The following KIDINS220 variants were observed in gnomAD, a reference collection of about 807,000 sequenced individuals.
KIDINS220 encodes the protein kinase D-interacting substrate of 220 kDa.
A neutral mutation model predicts 157.6 loss-of-function variants in KIDINS220; 63 were observed. That is an observed-to-expected ratio of 0.40 (90% CI 0.33 to 0.49). KIDINS220 has a LOEUF of 0.49. Ranked by LOEUF, KIDINS220 falls within the 20% of genes least tolerant of loss-of-function variation. The pLI, the probability that KIDINS220 is intolerant of heterozygous loss-of-function variation, is 0.66. For synonymous variants in KIDINS220, 732 were observed against 783.6 expected (o/e 0.93, Z 1.10); for missense variants, 1,772 against 2,171.2 (o/e 0.82, Z 3.65).
chr2:8,818,386 C>A (rs1008268415), intron 3 of KIDINS220, among the ~76,000 whole-genome samples: 1 of 151,986 alleles, frequency 6.6e-6, no homozygotes, highest in Non-Finnish European at 1.5e-5. Context: ...TAATAAGTTA[C>A]CATTATGGGG....
At chr2:8,733,056 G>C (rs911925166) in intron 29 of KIDINS220, among the ~76,000 whole-genome samples, 1 of 152,186 alleles carries the variant, frequency 6.6e-6, no homozygotes, top group Admixed American at 6.5e-5. Context: ...GGTGCTCAAA[G>C]GGACACTATG....
intron 26 of KIDINS220, among the ~76,000 whole-genome samples, chr2:8,738,200 G>C (rs948853211): frequency 6.6e-6 from 1 of 152,150 alleles, no homozygotes; most frequent in Non-Finnish European, 1.5e-5. Flanking sequence ...TGAAAAAAGT[G>C]AATTAATTAG....
chr2:8,766,350 C>T (rs1331026583), intron 22 of KIDINS220, among the ~76,000 whole-genome samples: 1 of 152,158 alleles, frequency 6.6e-6, no homozygotes, highest in Non-Finnish European at 1.5e-5. Flanking sequence ...CTCCTTCAAC[C>T]CTTCCTCAAC....
At chr2:8,761,953 C>G (rs953090620) in intron 22 of KIDINS220, among the ~76,000 whole-genome samples, 4 of 152,082 alleles carry the variant, frequency 2.6e-5, no homozygotes, top group African/African-American at 9.7e-5. Flanking sequence ...CTGGAAAAAT[C>G]AACTTCTGGA....
Position 8,730,566 on chromosome 2 carries a change from T to C in KIDINS220, c.*154A>G, listed in dbSNP as rs1289210630. On this transcript the variant is annotated 3_prime_UTR_variant, in exon 30 of 30. Transcript: ENST00000256707. ...GAGCCATGCTTCTCATGCTCCCTTC[T>C]GTCACACTGCAGATGTCTCTTTTAC... The C allele has an allele frequency of 9.8e-6, 14 of 1,435,770 alleles. No homozygotes were observed. The Admixed American group carries it at 1.7e-4, about 18-fold the overall frequency. 88.9% of individuals were successfully genotyped at this position (1,435,770 alleles called of 1,614,324 possible).
intron 2 of KIDINS220, among the ~76,000 whole-genome samples, chr2:8,820,882 T>C (rs988271286): frequency 2.0e-5 from 3 of 152,216 alleles, no homozygotes; most frequent in Non-Finnish European, 2.9e-5. Flanking sequence ...ATACATTCTA[T>C]AGAACTGTTC....
At chr2:8,745,772 C>G (rs1245633005) in intron 26 of KIDINS220, among the ~76,000 whole-genome samples, 1 of 152,152 alleles carries the variant, frequency 6.6e-6, no homozygotes, top group Non-Finnish European at 1.5e-5. Context: ...GCACTCCAGC[C>G]TGAGCAAAAG....
intron 4 of KIDINS220, among the ~76,000 whole-genome samples, chr2:8,816,679 C>A (rs1022570344): frequency 6.6e-6 from 1 of 152,216 alleles, no homozygotes; most frequent in Non-Finnish European, 1.5e-5. Flanking sequence ...AAGGCAAGAA[C>A]CACATTTCAC....
Position 8,772,505 on chromosome 2 carries a change from A to AAAATAAATATTCTATCCT in KIDINS220, c.2849-1674_2849-1673insAGGATAGAATATTTATTT, listed in dbSNP as rs1332547909. 1.4e-4 allele frequency among the ~76,000 whole-genome samples: 21 copies of AAAATAAATATTCTATCCT among 152,172 alleles called. 1 individual carries two copies. The highest frequency in any genetic ancestry group is 4.8e-4 in the African/African-American group (20 of 41,522). On this transcript the variant is annotated intron_variant, in intron 21 of 29. Transcript: ENST00000256707. ...AAACAAAAAAAAGCATGAGTTAATA[A>AAAATAAATATTCTATCCT]AAGTAAATATTCTATCCTAAGAATA... is the stretch of plus-strand genomic sequence containing the variant.
intron 13 of KIDINS220, 121 bp downstream of exon 13, chr2:8,790,939 T>A: frequency 1.3e-6 from 1 of 789,576 alleles, no homozygotes; most frequent in Non-Finnish European, 1.9e-6. Flanking sequence ...GGGGAGTTCA[T>A]CTCAGTAAAC....
chr2:8,831,235 G>A (rs551516125), intron 1 of KIDINS220, among the ~76,000 whole-genome samples: 1 of 152,244 alleles, frequency 6.6e-6, no homozygotes, highest in East Asian at 1.9e-4. Context: ...TTCAATTCTT[G>A]ATTATGATGA....
At chr2:8,832,528 C>T (rs1389842345) in intron 1 of KIDINS220, among the ~76,000 whole-genome samples, 1 of 152,154 alleles carries the variant, frequency 6.6e-6, no homozygotes, top group East Asian at 1.9e-4. Context: ...AGTGTGTACA[C>T]ATGAACAAAA....
chr2:8,736,035 G>A (rs1164409199), intron 27 of KIDINS220, among the ~76,000 whole-genome samples: 1 of 152,246 alleles, frequency 6.6e-6, no homozygotes, highest in Non-Finnish European at 1.5e-5. Context: ...ACTAGCACGA[G>A]CCAGCTCTGT....
At chr2:8,728,061 G>A (rs535502605), downstream of KIDINS220, among the ~76,000 whole-genome samples, 24 of 152,304 alleles carry the variant, frequency 1.6e-4, no homozygotes, top group South Asian at 3.3e-3. Flanking sequence ...CACAAGACTC[G>A]GCTGGGCATG....
chr2:8,831,884 A>C (rs1558510628), intron 1 of KIDINS220, among the ~76,000 whole-genome samples: 1 of 152,234 alleles, frequency 6.6e-6, no homozygotes, highest in Non-Finnish European at 1.5e-5. Flanking sequence ...ACTACTCTGG[A>C]ATCATATCTG....
At position 8,815,432 on chromosome 2, in the gene KIDINS220, C is replaced by G. The variant is rs566761576; in HGVS notation, c.307-2097G>C. 1.5e-3 allele frequency among the ~76,000 whole-genome samples: 229 copies of G among 151,724 alleles called. No homozygotes were observed. In the Middle Eastern group the frequency reaches 0.02, roughly 14 times the overall value. ...AAAGAAAAAGAAAAAAAAAGGGAGGCCTAGGCAGGAGGATCACTTGAGGTC... is the reference window on the plus strand; with the variant it reads ...AAAGAAAAAGAAAAAAAAAGGGAGGGCTAGGCAGGAGGATCACTTGAGGTC... On this transcript the variant is annotated intron_variant, in intron 4 of 29. Transcript: ENST00000256707.
downstream of KIDINS220, among the ~76,000 whole-genome samples, chr2:8,728,664 G>A (rs902911799): frequency 6.6e-5 from 10 of 152,198 alleles, no homozygotes; most frequent in African/African-American, 1.2e-4. Flanking sequence ...CTACAGGAAC[G>A]CACTGCACAG....
intron 24 of KIDINS220, chr2:8,749,532 T>C: frequency 2.6e-6 from 1 of 380,386 alleles, no homozygotes; most frequent in African/African-American, 2.2e-5. Flanking sequence ...CATCTTTTCA[T>C]CTGGGAAATT....
downstream of KIDINS220, chr2:8,728,770 T>A (rs1663625429): frequency 1.3e-6 from 1 of 767,974 alleles, no homozygotes; most frequent in African/African-American, 1.9e-5. Flanking sequence ...AAAAGACTAG[T>A]TGGGAGCAGT....
Sources: gnomAD v4.1 joint callset for allele counts (sites outside exome capture counted in the v4.1 genomes callset) on GRCh38, gnomAD v4.1.1 for gene constraint, MANE v1.5 for transcripts, NCBI Gene and HGNC (gene_info 2026-07-23, HGNC 2026-07-21) for gene names.